The following DLG2 variants were observed in gnomAD, a reference collection of about 807,000 sequenced individuals.
DLG2 encodes the protein discs large MAGUK scaffold protein 2, also known as disks large homolog 2.
In DLG2, 45 loss-of-function variants were observed where a neutral mutation model predicts 132.5. That is an observed-to-expected ratio of 0.34 (90% CI 0.27 to 0.44). The LOEUF (loss-of-function observed/expected upper bound fraction) is 0.44, where lower values mean the gene tolerates loss of function less well. DLG2 is among the 20% of genes least tolerant of loss of function. The pLI is 1.00. For synonymous variants in DLG2, 424 were observed against 419.6 expected (o/e 1.01, Z -0.13); for missense variants, 1,045 against 1,196.9 (o/e 0.87, Z 1.87).
intron 6 of DLG2, among the ~76,000 whole-genome samples, chr11:84,727,811 A>T (rs193180148): frequency 2.5e-3 from 380 of 152,268 alleles, no homozygotes; most frequent in African/African-American, 8.8e-3. Flanking sequence ...GAGGTCCTTC[A>T]CATTCCTTGT....
intron 17 of DLG2, among the ~76,000 whole-genome samples, chr11:83,824,637 C>A (rs1295660241): frequency 6.6e-6 from 1 of 152,140 alleles, no homozygotes; most frequent in Non-Finnish European, 1.5e-5. Flanking sequence ...ACTTTATCAG[C>A]ATTTAAAAAA....
At chr11:85,173,337 G>A (rs961965555) in intron 4 of DLG2, among the ~76,000 whole-genome samples, 1 of 152,154 alleles carries the variant, frequency 6.6e-6, no homozygotes, top group East Asian at 1.9e-4. Flanking sequence ...TTAAAGAAAA[G>A]TATTTCCAAC....
intron 3 of DLG2, among the ~76,000 whole-genome samples, chr11:85,567,508 CTTGT>C (rs1294992379): frequency 6.6e-6 from 1 of 152,026 alleles, no homozygotes; most frequent in Non-Finnish European, 1.5e-5. Flanking sequence ...TCTTTCTGAG[CTTGT>C]TTATTAGCTC....
In DLG2 at chr11:83,549,118, C is replaced by G. The variant is rs148573325; in HGVS notation, c.1941-7260G>C. On this transcript the variant is annotated intron_variant, in intron 19 of 27. Coordinates refer to ENST00000376104, the MANE Select transcript of DLG2 (RefSeq NM_001142699.3). ...CCTTCATTTCTTGAAGTTGAGGCCTCTGCTTGATTAGAGGAGACCTGGTCC... is the reference window on the plus strand; with the variant it reads ...CCTTCATTTCTTGAAGTTGAGGCCTGTGCTTGATTAGAGGAGACCTGGTCC... Among the ~76,000 whole-genome samples the G allele has an allele frequency of 1.0e-3, 153 of 152,258 alleles. 1 individual carries two copies. Among genetic ancestry groups the G allele is most frequent in the African/African-American group, 3.6e-3 (148 of 41,550 alleles).
At position 84,621,610 on chromosome 11, in the gene DLG2, G is replaced by A. The variant is rs564455824; in HGVS notation, c.358-86879C>T. ...GCTAAGAGGTCACCAATAAGATTTTGGAGAGAAATAAATGTACAAGCTATT... is the reference window on the plus strand; with the variant it reads ...GCTAAGAGGTCACCAATAAGATTTTAGAGAGAAATAAATGTACAAGCTATT... On this transcript the variant is annotated intron_variant, in intron 6 of 27. Transcript: ENST00000376104. Among the ~76,000 whole-genome samples the A allele has an allele frequency of 6.6e-5, 10 of 152,282 alleles. No homozygotes were observed. In the East Asian group the frequency reaches 1.9e-3, roughly 29 times the overall value.
intron 11 of DLG2, among the ~76,000 whole-genome samples, chr11:84,033,683 A>C (rs1450902604): frequency 2.0e-5 from 3 of 152,206 alleles, no homozygotes; most frequent in Non-Finnish European, 4.4e-5. Flanking sequence ...TGCTACAAAT[A>C]AATCTTTCCT....
intron 7 of DLG2, among the ~76,000 whole-genome samples, chr11:84,349,106 C>T (rs1022638430): frequency 5.3e-5 from 8 of 152,156 alleles, no homozygotes; most frequent in African/African-American, 1.2e-4. Context: ...GATTACCTCC[C>T]GGTTTTAACT....
In DLG2 at chr11:83,790,311, G is replaced by A. The variant is rs554801449; in HGVS notation, c.1723-3519C>T. On this transcript the variant is annotated intron_variant, in intron 17 of 27. Coordinates refer to ENST00000376104, the MANE Select transcript of DLG2 (RefSeq NM_001142699.3). ...GTGTGAACTGTTTTACCATGGGAGC[G>A]AAAGCTCAAGCTTAAAAGGTAACAG... 2.6e-4 allele frequency: 238 copies of A among 905,676 alleles called. No homozygotes were observed. The African/African-American group carries it at 3.3e-3, about 12-fold the overall frequency. 56.1% of individuals were successfully genotyped at this position (905,676 alleles called of 1,614,324 possible).
At chr11:84,611,608 G>A (rs1417823251) in intron 6 of DLG2, among the ~76,000 whole-genome samples, 1 of 152,072 alleles carries the variant, frequency 6.6e-6, no homozygotes, top group Non-Finnish European at 1.5e-5. Flanking sequence ...GGTGATGCCA[G>A]GAAACCAGTA....
chr11:83,465,318 G>A (rs1472732573), intron 26 of DLG2, among the ~76,000 whole-genome samples: 1 of 152,188 alleles, frequency 6.6e-6, no homozygotes, highest in African/African-American at 2.4e-5. Flanking sequence ...TGCCACTCCA[G>A]CTGCTGCAGT....
chr11:84,206,679 C>G (rs1049554627), intron 8 of DLG2, among the ~76,000 whole-genome samples: 2 of 151,972 alleles, frequency 1.3e-5, no homozygotes, highest in Admixed American at 6.6e-5. Flanking sequence ...AATAATCGGA[C>G]AGTATCTTTA....
At chr11:85,211,749 C>T (rs2082268894) in intron 4 of DLG2, among the ~76,000 whole-genome samples, 1 of 152,116 alleles carries the variant, frequency 6.6e-6, no homozygotes, top group East Asian at 1.9e-4. Flanking sequence ...CCTCACTACT[C>T]GTCGAGGTCA....
chr11:84,386,809 GT>G (rs1366754424), intron 7 of DLG2, among the ~76,000 whole-genome samples: 1 of 151,886 alleles, frequency 6.6e-6, no homozygotes, highest in Non-Finnish European at 1.5e-5. Flanking sequence ...ATCAAAATTT[GT>G]TTTATATTTG....
chr11:84,622,234 T>C (rs1404211839), intron 6 of DLG2, among the ~76,000 whole-genome samples: 1 of 152,192 alleles, frequency 6.6e-6, no homozygotes, highest in African/African-American at 2.4e-5. Flanking sequence ...ATTTTGGAAG[T>C]ACCTTTATCC....
chr11:83,963,599 T>C (rs765694813), intron 13 of DLG2, among the ~76,000 whole-genome samples: 4 of 151,978 alleles, frequency 2.6e-5, no homozygotes, highest in Non-Finnish European at 4.4e-5. Flanking sequence ...ATTTTATATG[T>C]TGAGATGAGG....
intron 6 of DLG2, among the ~76,000 whole-genome samples, chr11:84,559,255 A>G (rs993664722): frequency 6.6e-6 from 1 of 152,156 alleles, no homozygotes; most frequent in Non-Finnish European, 1.5e-5. Context: ...AAATCATTTA[A>G]AAGTAAACAA....
chr11:84,934,525 G>GTTTTTTTT (rs757894179), intron 6 of DLG2, among the ~76,000 whole-genome samples: 22 of 38,636 alleles, frequency 5.7e-4, no homozygotes, highest in Admixed American at 1.1e-3. Context: ...GTTTTGTTTT[G>GTTTTTTTT]TTTTTTTTTT....
chr11:83,562,966 CTTTTTTTTTTT>C (rs527949325), intron 19 of DLG2, among the ~76,000 whole-genome samples: 3 of 81,364 alleles, frequency 3.7e-5, no homozygotes, highest in East Asian at 3.8e-4. Context: ...TTCCCTAATT[CTTTTTTTTTTT>C]TTTTTTTTTT....
chr11:85,588,020 G>C (rs370729534), intron 3 of DLG2, among the ~76,000 whole-genome samples: 2 of 152,184 alleles, frequency 1.3e-5, no homozygotes, highest in African/African-American at 4.8e-5. Flanking sequence ...GCTAAGGATA[G>C]ACCCCAATTC....
Sources: gnomAD v4.1 joint callset for allele counts (sites outside exome capture counted in the v4.1 genomes callset) on GRCh38, gnomAD v4.1.1 for gene constraint, MANE v1.5 for transcripts, NCBI Gene and HGNC (gene_info 2026-07-23, HGNC 2026-07-21) for gene names.